The following FER variants were observed in gnomAD, a reference collection of about 807,000 sequenced individuals.
FER encodes tyrosine-protein kinase Fer.
Under a neutral mutation model 111.0 loss-of-function variants are expected in FER, and 63 were observed. That is an observed-to-expected ratio of 0.57 (90% CI 0.46 to 0.70). FER has a LOEUF of 0.70. FER is among the 30% of genes least tolerant of loss of function. The probability of loss-of-function intolerance (pLI) is 0.00; values close to 1 mark genes in which losing one functional copy is unlikely to be tolerated. For missense variants in FER, 914 were observed against 954.0 expected (o/e 0.96, Z 0.55); for synonymous variants, 327 against 313.9 (o/e 1.04, Z -0.44).
intron 13 of FER, among the ~76,000 whole-genome samples, chr5:109,033,723 C>T (rs1368488616): frequency 2.6e-5 from 4 of 152,108 alleles, no homozygotes; most frequent in Non-Finnish European, 4.4e-5. Flanking sequence ...GTTTGCCTCT[C>T]TATCAACACT....
intron 6 of FER, 108 bp downstream of exon 6, chr5:108,868,058 AG>A (rs1764249499): frequency 9.8e-7 from 1 of 1,021,550 alleles, no homozygotes. Context: ...AACCCAGTCC[AG>A]GGGGTATTTC....
At chr5:109,062,820 G>T (rs1195706439) in intron 16 of FER, among the ~76,000 whole-genome samples, 1 of 152,062 alleles carries the variant, frequency 6.6e-6, no homozygotes, top group African/African-American at 2.4e-5. Flanking sequence ...TTTGAGTTCA[G>T]AACTTCCTGG....
At chr5:108,937,976 C>T (rs1755716622) in intron 10 of FER, among the ~76,000 whole-genome samples, 1 of 151,034 alleles carries the variant, frequency 6.6e-6, no homozygotes, top group African/African-American at 2.4e-5. Flanking sequence ...TCTGCTCTTT[C>T]CTTCCTTTAT....
intron 1 of FER, among the ~76,000 whole-genome samples, chr5:108,758,765 G>C (rs577851967): frequency 6.6e-6 from 1 of 152,136 alleles, no homozygotes; most frequent in African/African-American, 2.4e-5. Context: ...AAGCCCTTTG[G>C]CCTGAGATTC....
intron 1 of FER, among the ~76,000 whole-genome samples, chr5:108,758,972 C>T (rs1460812656): frequency 6.6e-6 from 1 of 151,914 alleles, no homozygotes; most frequent in Admixed American, 6.6e-5. Context: ...ATGCATTTAC[C>T]ACCTGTCCCT....
rs548172496 is a variant in FER, at chr5:108,792,518, G to T, written c.-59-5606G>T. Among the ~76,000 whole-genome samples, 4 of 152,052 alleles carry T rather than the reference G, an allele frequency of 2.6e-5. No individual in the cohort carries two copies. In the South Asian group the frequency reaches 8.3e-4, roughly 32 times the overall value. On this transcript the variant is annotated intron_variant, in intron 2 of 19. Coordinates refer to ENST00000281092, the MANE Select transcript of FER (RefSeq NM_005246.4). Reference sequence around the variant, plus strand: ...ACGCACGGCTAATTTTGTATTTTTAGTAGAGACGGAGTTTCTCCAGGTTGA... The same window carrying T: ...ACGCACGGCTAATTTTGTATTTTTATTAGAGACGGAGTTTCTCCAGGTTGA...
chr5:108,929,315 A>G (rs77585558), intron 10 of FER, among the ~76,000 whole-genome samples: 2,395 of 152,296 alleles, frequency 0.016, 75 homozygotes, highest in African/African-American at 0.054. Flanking sequence ...CCTCTGTTCC[A>G]GAATGTGTTA....
intron 13 of FER, among the ~76,000 whole-genome samples, chr5:108,975,588 A>G (rs948957694): frequency 1.3e-5 from 2 of 152,158 alleles, no homozygotes; most frequent in Non-Finnish European, 2.9e-5. Flanking sequence ...GAATGGTCTT[A>G]TACTAGGAAA....
chr5:108,843,201 A>T lies in FER; in HGVS notation c.481+7394A>T, dbSNP rs1390786576. 2.6e-5 allele frequency among the ~76,000 whole-genome samples: 4 copies of T among 152,324 alleles called. No individual in the cohort carries two copies. In the South Asian group the frequency reaches 6.2e-4, roughly 24 times the overall value. ...GTTCCTGGATTACTTCACTTAGAATAATAGTCTCCAATCTCATCCAGGTCA... is the reference window on the plus strand; with the variant it reads ...GTTCCTGGATTACTTCACTTAGAATTATAGTCTCCAATCTCATCCAGGTCA... On this transcript the variant is annotated intron_variant, in intron 5 of 19. Coordinates refer to ENST00000281092, the MANE Select transcript of FER (RefSeq NM_005246.4).
chr5:109,030,545 G>T (rs966609473), intron 13 of FER, among the ~76,000 whole-genome samples: 1 of 152,104 alleles, frequency 6.6e-6, no homozygotes, highest in African/African-American at 2.4e-5. Context: ...GTGTTATTTT[G>T]TTTTGTTGGT....
chr5:109,017,622 A>G (rs1376200456), intron 13 of FER, among the ~76,000 whole-genome samples: 1 of 151,996 alleles, frequency 6.6e-6, no homozygotes, highest in African/African-American at 2.4e-5. Flanking sequence ...TTGGGTCCAA[A>G]TCAAAATAAA....
At chr5:109,093,315 T>A (rs1747060140) in intron 16 of FER, among the ~76,000 whole-genome samples, 1 of 152,192 alleles carries the variant, frequency 6.6e-6, no homozygotes, top group African/African-American at 2.4e-5. Context: ...CAGACTTGTT[T>A]TAATACAGAC....
intron 10 of FER, among the ~76,000 whole-genome samples, chr5:108,935,807 T>C (rs1406232276): frequency 1.3e-5 from 2 of 152,094 alleles, no homozygotes; most frequent in Non-Finnish European, 2.9e-5. Context: ...CAACTCTGAG[T>C]TAGAGTCAAA....
intron 16 of FER, among the ~76,000 whole-genome samples, chr5:109,088,221 T>A (rs1777775732): frequency 6.6e-6 from 1 of 152,058 alleles, no homozygotes; most frequent in Non-Finnish European, 1.5e-5. Context: ...CATTGTTTCT[T>A]CTTTTGTTTT....
At position 109,181,439 on chromosome 5, in the gene FER, T is replaced by C. The variant is rs576262889; in HGVS notation, c.2203+538T>C. ...TTGAATTTTTATGCGTCATTGTAAT[T>C]GGAAATAAATATAACTTGCATTATC... is the stretch of plus-strand genomic sequence containing the variant. On this transcript the variant is annotated intron_variant, in intron 18 of 19. Transcript: ENST00000281092. 1.6e-3 allele frequency among the ~76,000 whole-genome samples: 248 copies of C among 152,222 alleles called. 1 individual carries two copies. The highest frequency in any genetic ancestry group is 5.6e-3 in the African/African-American group (231 of 41,536).
At chr5:108,980,654 G>C (rs186435816) in intron 13 of FER, among the ~76,000 whole-genome samples, 1 of 152,224 alleles carries the variant, frequency 6.6e-6, no homozygotes, top group Admixed American at 6.5e-5. Context: ...GAAGCATTTA[G>C]AAGTCATAAT....
chr5:109,130,632 C>T lies in FER; in HGVS notation c.2048+30113C>T, dbSNP rs75336383. 1.9e-3 allele frequency among the ~76,000 whole-genome samples: 285 copies of T among 151,872 alleles called. 1 individual carries two copies. Among genetic ancestry groups the T allele is most frequent in the African/African-American group, 6.4e-3 (267 of 41,412 alleles). On this transcript the variant is annotated intron_variant, in intron 17 of 19. Coordinates refer to ENST00000281092, the MANE Select transcript of FER (RefSeq NM_005246.4). ...TGAAATTTGTTAATGAGGTATTTTA[C>T]GTTTTTTTTTCTGACCACCTGCTGC...
At position 109,188,366 on chromosome 5, in the gene FER, A is replaced by G. The variant is rs1269834554; in HGVS notation, c.*791A>G. The G allele has an allele frequency of 7.3e-6, 1 of 137,856 alleles. No individual in the cohort carries two copies. The highest frequency in any genetic ancestry group is 1.6e-5 in the Non-Finnish European group (1 of 64,204). 8.5% of individuals were successfully genotyped at this position (137,856 alleles called of 1,614,324 possible). ...GGAGTTCGAGACCAGCCTGGCTTGC[A>G]TGGTGAAACCCTGTCTCTACCAAAA... is the stretch of plus-strand genomic sequence containing the variant. On this transcript the variant is annotated 3_prime_UTR_variant, in exon 20 of 20. Transcript: ENST00000281092.
At chr5:108,819,940 GT>G in intron 3 of FER, 1 of 985,144 alleles carries the variant, frequency 1.0e-6, no homozygotes, top group South Asian at 4.7e-5. Flanking sequence ...AGAGGACTTT[GT>G]TTTTTAAAAA....
Sources: allele counts gnomAD v4.1 joint callset (sites outside exome capture counted in the v4.1 genomes callset), GRCh38; gene constraint gnomAD v4.1.1; transcripts MANE v1.5; gene names NCBI Gene and HGNC (gene_info 2026-07-23, HGNC 2026-07-21).